The following NT5DC1 variants were observed in gnomAD, a reference collection of about 807,000 sequenced individuals.
NT5DC1 encodes 5'-nucleotidase domain containing 1, also known as 5'-nucleotidase domain-containing protein 1.
NT5DC1 carries 42 observed loss-of-function variants against 59.4 expected under a neutral mutation model. That is an observed-to-expected ratio of 0.71 (90% CI 0.55 to 0.92). The LOEUF (loss-of-function observed/expected upper bound fraction) is 0.92. NT5DC1 is among the 40% of genes least tolerant of loss of function. NT5DC1 has a pLI of 0.00. For synonymous variants in NT5DC1, 172 were observed against 188.1 expected, an observed-to-expected ratio of 0.91 and a Z score of 0.70; for missense variants, 501 against 537.1, an observed-to-expected ratio of 0.93 and a Z score of 0.66.
chr6:116,150,254 GT>G (rs1780005983), intron 6 of NT5DC1, among the ~76,000 whole-genome samples: 1 of 151,636 alleles, frequency 6.6e-6, no homozygotes, highest in Non-Finnish European at 1.5e-5. Flanking sequence ...TGACAGATCA[GT>G]TAAGAAAATG....
At chr6:116,139,056 A>G (rs1292143770) in intron 6 of NT5DC1, among the ~76,000 whole-genome samples, 1 of 152,180 alleles carries the variant, frequency 6.6e-6, no homozygotes, top group Admixed American at 6.5e-5. Flanking sequence ...GACTGATAAA[A>G]TAGTGCAACT....
At position 116,141,922 on chromosome 6, in the gene NT5DC1, A is replaced by G. The variant is rs1001588173; in HGVS notation, c.529+23977A>G. ...CACACACACACACACACACACACAC[A>G]CACACTGTAAATGTGAGATGTTCCT... is the stretch of plus-strand genomic sequence containing the variant. On this transcript the variant is annotated intron_variant, in intron 6 of 11. Transcript: ENST00000319550. Among the ~76,000 whole-genome samples, 176 of 145,660 alleles carry G rather than the reference A, an allele frequency of 1.2e-3. 1 individual carries two copies. The highest frequency in any genetic ancestry group is 4.2e-3 in the African/African-American group (169 of 40,002).
chr6:116,165,791 G>C (rs577350152), intron 6 of NT5DC1, among the ~76,000 whole-genome samples: 9 of 152,332 alleles, frequency 5.9e-5, no homozygotes, highest in African/African-American at 9.6e-5. Context: ...AGCTCCCCAG[G>C]GACCTGCTGG....
Position 116,238,297 on chromosome 6 carries a change from G to A in NT5DC1, c.1032G>A (p.Arg344=), listed in dbSNP as rs1330173675. The A allele has an allele frequency of 6.2e-7, 1 of 1,613,264 alleles. No individual in the cohort carries two copies. The highest frequency in any genetic ancestry group is 8.5e-7 in the Non-Finnish European group (1 of 1,179,616). The change falls in exon 10 of 12, where the codon AGG becomes AGA. Residue 344 remains arginine (R), a synonymous_variant. Transcript: ENST00000319550. ...LEELRGDEGT[R]SQRPEESEPL... ...AACTCAGAGGGGATGAAGGCACGAG[G>A]AGTCAGAGGCCTGAGGAGTCAGAGC...
At chr6:116,153,189 T>C (rs1224059438) in intron 6 of NT5DC1, among the ~76,000 whole-genome samples, 1 of 152,030 alleles carries the variant, frequency 6.6e-6, no homozygotes, top group Non-Finnish European at 1.5e-5. Flanking sequence ...AGTAGGGTTA[T>C]TAGAATTAAG....
At chr6:116,180,816 G>A (rs1780857486) in intron 6 of NT5DC1, among the ~76,000 whole-genome samples, 1 of 152,150 alleles carries the variant, frequency 6.6e-6, no homozygotes, top group East Asian at 1.9e-4. Flanking sequence ...AGAACTGTAG[G>A]TTAGAGGACA....
chr6:116,114,822 C>T (rs1181773616), intron 4 of NT5DC1, among the ~76,000 whole-genome samples: 1 of 152,112 alleles, frequency 6.6e-6, no homozygotes, highest in Admixed American at 6.5e-5. Context: ...AGTTGTCTGT[C>T]CATGGAACAG....
intron 6 of NT5DC1, among the ~76,000 whole-genome samples, chr6:116,163,141 A>AAAAAAAAATATATATAT (rs761718922): frequency 5.7e-5 from 5 of 88,396 alleles, no homozygotes; most frequent in African/African-American, 2.9e-4. Flanking sequence ...AAAAAAAAAA[A>AAAAAAAAATATATATAT]ATATATATAT....
chr6:116,158,185 T>C (rs1780245453), intron 6 of NT5DC1, among the ~76,000 whole-genome samples: 1 of 152,186 alleles, frequency 6.6e-6, no homozygotes, highest in Non-Finnish European at 1.5e-5. Flanking sequence ...CAATACTGGT[T>C]ATCTGTCATT....
Position 116,106,322 on chromosome 6 carries a change from G to A in NT5DC1, c.172G>A (p.Asp58Asn), listed in dbSNP as rs752446445. 4 of 1,515,888 alleles carry A rather than the reference G, an allele frequency of 2.6e-6. No homozygotes were observed. The highest frequency in any genetic ancestry group is 4.5e-5 in the East Asian group (2 of 44,266). 93.9% of individuals were successfully genotyped at this position (1,515,888 alleles called of 1,614,324 possible). ...GGAATTGCTCAATGTGACCCCAGAG[G>A]ATTGGGATTTCTGGTAAGTTCTTTT... ...DKELLNVTPE[D>N]WDFCCKGLAL... is the part of the protein sequence containing the mutation. Residue 58 changes from aspartate to asparagine, a missense_variant, in exon 2 of 12, where the codon GAT (aspartate) becomes AAT (asparagine). By Grantham distance (23) the Asp-to-Asn change is conservative (BLOSUM62 1). Transcript: ENST00000319550.
At position 116,244,842 on chromosome 6, in the gene NT5DC1, C is replaced by G. The variant is rs996317604; in HGVS notation, c.*818C>G. The G allele has an allele frequency of 6.6e-6, 1 of 152,076 alleles. No homozygotes were observed. The highest frequency in any genetic ancestry group is 2.4e-5 in the African/African-American group (1 of 41,400). 9.4% of individuals were successfully genotyped at this position (152,076 alleles called of 1,614,324 possible). The stretch of plus-strand genomic sequence containing the variant: ...CCATTGTTACCCACTAGGTTTTTTT[C>G]TAATAATGTTAAAGGCTATTTAATT... On this transcript the variant is annotated 3_prime_UTR_variant, in exon 12 of 12. Transcript: ENST00000319550.
intron 6 of NT5DC1, among the ~76,000 whole-genome samples, chr6:116,184,223 A>G (rs939161475): frequency 6.6e-6 from 1 of 152,056 alleles, no homozygotes; most frequent in African/African-American, 2.4e-5. Flanking sequence ...CATATGTCAA[A>G]CTATCCCTGC....
intron 4 of NT5DC1, among the ~76,000 whole-genome samples, chr6:116,111,298 G>T (rs1465251259): frequency 6.6e-6 from 1 of 152,054 alleles, no homozygotes; most frequent in Non-Finnish European, 1.5e-5. Flanking sequence ...CTCCATCTCT[G>T]ATTCCTCCAG....
At chr6:116,134,366 G>T (rs1423262788) in intron 6 of NT5DC1, among the ~76,000 whole-genome samples, 1 of 152,142 alleles carries the variant, frequency 6.6e-6, no homozygotes, top group Non-Finnish European at 1.5e-5. Context: ...GTGTCTGTGT[G>T]AATCTATCTT....
intron 6 of NT5DC1, chr6:116,120,958 T>C: frequency 1.2e-6 from 2 of 1,613,724 alleles, no homozygotes; most frequent in Non-Finnish European, 1.7e-6. Context: ...ACCCTGGTTT[T>C]CCATCTGACC....
chr6:116,245,192 G>A lies in NT5DC1; in HGVS notation c.*1168G>A, dbSNP rs1280338296. The A allele has an allele frequency of 6.6e-6, 1 of 152,124 alleles. No individual in the cohort carries two copies. Among genetic ancestry groups the A allele is most frequent in the Admixed American group, 6.5e-5 (1 of 15,276 alleles). 9.4% of individuals were successfully genotyped at this position (152,124 alleles called of 1,614,324 possible). A position where few individuals can be genotyped will look rare whatever the true frequency, so the allele number is the denominator to read the frequency against. ...TGTATGGTCATATTAGTAGCTATTT[G>A]TTGCAAGATACTTGAAGCCAAATGT... On this transcript the variant is annotated 3_prime_UTR_variant, in exon 12 of 12. Coordinates refer to ENST00000319550, the MANE Select transcript of NT5DC1 (RefSeq NM_152729.3).
chr6:116,115,664 C>G, intron 4 of NT5DC1, 27 bp from the exon 5 acceptor site: 1 of 1,138,104 alleles, frequency 8.8e-7, no homozygotes, highest in Non-Finnish European at 1.3e-6. Context: ...TATGTTGTTC[C>G]CAGTTTAAAA....
intron 6 of NT5DC1, chr6:116,120,406 T>C (rs1383961722): frequency 1.2e-6 from 2 of 1,614,236 alleles, no homozygotes; most frequent in Non-Finnish European, 1.7e-6. Flanking sequence ...TTTTATCAAA[T>C]GGTATGGGAG....
intron 6 of NT5DC1, among the ~76,000 whole-genome samples, chr6:116,148,813 G>A (rs1779961680): frequency 1.3e-5 from 2 of 152,094 alleles, no homozygotes; most frequent in African/African-American, 4.8e-5. Context: ...TGGGTTACAG[G>A]TAAGTCATTT....
Sources: allele counts gnomAD v4.1 joint callset (sites outside exome capture counted in the v4.1 genomes callset), GRCh38; gene constraint gnomAD v4.1.1; transcripts MANE v1.5; gene names NCBI Gene and HGNC (gene_info 2026-07-23, HGNC 2026-07-21).